The following HRH1 variants were observed in gnomAD, a reference collection of about 807,000 sequenced individuals.
The protein encoded by HRH1 is histamine H1 receptor.
HRH1 carries 6 observed loss-of-function variants against 10.3 expected under a neutral mutation model. That is an observed-to-expected ratio of 0.58 (90% CI 0.32 to 1.15). HRH1 has a LOEUF of 1.15. Ranked by LOEUF, HRH1 falls within the 50% of genes most tolerant of loss-of-function variation. The pLI, the probability that HRH1 is intolerant of heterozygous loss-of-function variation, is 0.05. For missense variants in HRH1, 514 were observed against 615.3 expected (o/e 0.84, Z 1.74); for synonymous variants, 242 against 236.7 (o/e 1.02, Z -0.21).
chr3:11,193,170 G>A (rs1055421079), intron 1 of HRH1, among the ~76,000 whole-genome samples: 4 of 152,210 alleles, frequency 2.6e-5, no homozygotes, highest in African/African-American at 9.7e-5. Flanking sequence ...CTCCCTGAGG[G>A]CAAGCTAATC....
chr3:11,260,785 A>T lies in HRH1; in HGVS notation c.*284A>T. 5.6e-6 allele frequency: 2 copies of T among 356,228 alleles called. No individual in the cohort carries two copies. The highest frequency in any genetic ancestry group is 4.4e-5 in the Admixed American group (1 of 22,748). 22.1% of individuals were successfully genotyped at this position (356,228 alleles called of 1,614,324 possible). On this transcript the variant is annotated 3_prime_UTR_variant, in exon 2 of 2. Transcript: ENST00000431010. ...AAAAGAAAAAAATAATAAAAATAAA[A>T]GAGAGAGAGAATCAGACCTGGGTGG... is the stretch of plus-strand genomic sequence containing the variant.
intron 1 of HRH1, among the ~76,000 whole-genome samples, chr3:11,190,807 G>A (rs922126366): frequency 7.2e-5 from 11 of 152,154 alleles, no homozygotes; most frequent in Non-Finnish European, 1.0e-4. Context: ...CCCTGCTCAC[G>A]TTGAGCAGCC....
intron 1 of HRH1, among the ~76,000 whole-genome samples, chr3:11,240,280 T>A (rs1233152481): frequency 6.6e-6 from 1 of 152,102 alleles, no homozygotes; most frequent in Non-Finnish European, 1.5e-5. Flanking sequence ...GTTTACCCTG[T>A]GTAGTGTTCA....
At chr3:11,206,905 C>G (rs1938150617) in intron 1 of HRH1, among the ~76,000 whole-genome samples, 1 of 152,050 alleles carries the variant, frequency 6.6e-6, no homozygotes, top group African/African-American at 2.4e-5. Flanking sequence ...GGTGGGAGAG[C>G]TGAGGAGGGG....
At chr3:11,250,805 G>A (rs1939629910) in intron 1 of HRH1, among the ~76,000 whole-genome samples, 1 of 152,204 alleles carries the variant, frequency 6.6e-6, no homozygotes, top group Non-Finnish European at 1.5e-5. Flanking sequence ...TCCCTGATGA[G>A]GGTGGATGCA....
intron 1 of HRH1, among the ~76,000 whole-genome samples, chr3:11,204,589 CA>C (rs1938047980): frequency 6.6e-6 from 1 of 152,170 alleles, no homozygotes; most frequent in Non-Finnish European, 1.5e-5. Context: ...ATCAGCTCTG[CA>C]CAACCTTGTA....
intron 1 of HRH1, among the ~76,000 whole-genome samples, chr3:11,187,620 G>A (rs571347017): frequency 2.0e-5 from 3 of 152,140 alleles, no homozygotes; most frequent in Non-Finnish European, 4.4e-5. Context: ...AGTCAGGTAT[G>A]CATTATTTCA....
chr3:11,243,080 A>T (rs1177897909), intron 1 of HRH1, among the ~76,000 whole-genome samples: 1 of 151,958 alleles, frequency 6.6e-6, no homozygotes, highest in Admixed American at 6.6e-5. Flanking sequence ...CGCCTGGCTA[A>T]TTTTTGTATT....
intron 1 of HRH1, chr3:11,234,251 C>A: frequency 6.5e-7 from 1 of 1,536,728 alleles, no homozygotes; most frequent in Non-Finnish European, 8.9e-7. Flanking sequence ...TTGTGGCCTT[C>A]ATTAACTTGA....
At position 11,259,801 on chromosome 3, in the gene HRH1, C is replaced by G; in HGVS notation, c.764C>G (p.Ser255Cys). Residue 255 changes from serine to cysteine, a missense_variant, in exon 2 of 2, where the codon TCT (serine) becomes TGT (cysteine). By Grantham distance (112) the Ser-to-Cys change is moderately radical. Transcript: ENST00000431010. This position sits in a 1 kb window ranked among gnomAD's most constrained non-coding sequence, Gnocchi z 4.6. The stretch of plus-strand genomic sequence containing the variant: ...GATGCCAAGAAACCAGGGAAGGAGT[C>G]TCCCTGGGAGGTTCTGAAAAGGAAG... ...KGDAKKPGKE[S>C]PWEVLKRKPK... 6.2e-7 allele frequency: 1 copy of G among 1,613,898 alleles called. No homozygotes were observed. The highest frequency in any genetic ancestry group is 8.5e-7 in the Non-Finnish European group (1 of 1,179,892).
chr3:11,156,632 C>T (rs981739282), intron 1 of HRH1, among the ~76,000 whole-genome samples: 4 of 152,170 alleles, frequency 2.6e-5, no homozygotes, highest in African/African-American at 4.8e-5. Flanking sequence ...TACACGTCTC[C>T]GTTCCTTGGT....
intron 1 of HRH1, among the ~76,000 whole-genome samples, chr3:11,256,410 A>C (rs1939783596): frequency 6.6e-6 from 1 of 152,230 alleles, no homozygotes; most frequent in South Asian, 2.1e-4. Context: ...GTGCTGCCCA[A>C]AATGGTGTTT....
At chr3:11,180,236 T>C (rs1332796826) in intron 1 of HRH1, among the ~76,000 whole-genome samples, 3 of 152,082 alleles carry the variant, frequency 2.0e-5, no homozygotes, top group East Asian at 3.9e-4. Flanking sequence ...GCCATTACAC[T>C]CACTCTCCAC....
intron 1 of HRH1, among the ~76,000 whole-genome samples, chr3:11,159,147 A>C (rs6799880): frequency 0.29 from 43,397 of 151,882 alleles, 8,664 homozygotes; most frequent in African/African-American, 0.57. Flanking sequence ...ACTTGGGGGA[A>C]TGAGGCAGGA....
chr3:11,204,636 A>C (rs1938049333), intron 1 of HRH1, among the ~76,000 whole-genome samples: 1 of 152,132 alleles, frequency 6.6e-6, no homozygotes, highest in South Asian at 2.1e-4. Context: ...AAAGAGAACA[A>C]ACTACGTGTT....
At chr3:11,179,342 C>T (rs934475861) in intron 1 of HRH1, among the ~76,000 whole-genome samples, 8 of 151,106 alleles carry the variant, frequency 5.3e-5, no homozygotes, top group African/African-American at 7.3e-5. Context: ...CAGCCAGGGC[C>T]GGGCGCGGTG....
intron 1 of HRH1, among the ~76,000 whole-genome samples, chr3:11,245,468 T>A (rs1382676330): frequency 6.6e-6 from 1 of 152,230 alleles, no homozygotes. Flanking sequence ...GAGCTTGAGC[T>A]GACCATTTCC....
intron 1 of HRH1, among the ~76,000 whole-genome samples, chr3:11,177,815 C>G (rs1196108611): frequency 6.6e-6 from 1 of 152,236 alleles, no homozygotes; most frequent in Admixed American, 6.5e-5. Flanking sequence ...TGCTGAGTGA[C>G]TAAGTGGAGC....
intron 1 of HRH1, among the ~76,000 whole-genome samples, chr3:11,199,218 T>C (rs1009285003): frequency 2.0e-4 from 31 of 152,046 alleles, no homozygotes; most frequent in African/African-American, 7.0e-4. Context: ...ATCTCTATAT[T>C]ATAGGTGAAA....
Sources: gnomAD v4.1 joint callset for allele counts (sites outside exome capture counted in the v4.1 genomes callset) on GRCh38, gnomAD v4.1.1 for gene constraint, Gnocchi (gnomAD v3.1) non-coding constraint, MANE v1.5 for transcripts, NCBI Gene and HGNC (gene_info 2026-07-23, HGNC 2026-07-21) for gene names.